Variants in EIF2B4 observed in about 807,000 individuals in gnomAD.
EIF2B4 encodes the protein eukaryotic translation initiation factor 2B subunit delta, also known as translation initiation factor eIF2B subunit delta.
In EIF2B4, 34 loss-of-function variants were observed where a neutral mutation model predicts 66.7. That is an observed-to-expected ratio of 0.51 (90% confidence interval 0.39 to 0.68). The LOEUF (loss-of-function observed/expected upper bound fraction) is 0.68, where lower values mean the gene tolerates loss of function less well. Ranked by LOEUF, EIF2B4 falls within the 30% of genes least tolerant of loss-of-function variation. The pLI, the probability that EIF2B4 is intolerant of heterozygous loss-of-function variation, is 0.00. For synonymous variants in EIF2B4, 278 were observed against 253.6 expected, an observed-to-expected ratio of 1.10 and a Z score of -0.92; for missense variants, 618 against 657.9, an observed-to-expected ratio of 0.94 and a Z score of 0.66.
chr2:27,368,283 G>C, intron 6 of EIF2B4, 89 bp downstream of exon 6: 2 of 1,374,794 alleles, frequency 1.5e-6, no homozygotes, highest in Non-Finnish European at 1.0e-6. Context: ...TTTTCCTACA[G>C]AGTCCATCTC....
rs758877324 is a variant in EIF2B4, at chr2:27,367,166, A to G, written c.921T>C (p.Tyr307=). The change falls in exon 10 of 13, where the codon TAT becomes TAC. Residue 307 remains tyrosine, a synonymous_variant. Transcript: ENST00000347454. ...CTGCTAGCACAATCTTCTCTTGCAC[A>G]TACCGATCAATGGCTGCTCGAAGTT... The part of the protein sequence containing the change: ...KSELRAAIDR[Y]VQEKIVLAAQ... 8 of 1,614,242 alleles carry G rather than the reference A, an allele frequency of 5.0e-6. No homozygotes were observed. The highest frequency in any genetic ancestry group is 3.4e-6 in the Non-Finnish European group (4 of 1,180,044).
chr2:27,370,331 C>T lies in EIF2B4; in HGVS notation c.-17G>A. On this transcript the variant is annotated 5_prime_UTR_variant, in exon 1 of 13. Coordinates refer to ENST00000347454, the MANE Select transcript of EIF2B4 (RefSeq NM_001034116.2). ...AGCAGCCATCGCCCTCAGTCCTAGG[C>T]TCCGCCCGCCGTGGTCACGGAGCCG... 6.5e-7 allele frequency: 1 copy of T among 1,540,708 alleles called. No homozygotes were observed. The highest frequency in any genetic ancestry group is 8.7e-7 in the Non-Finnish European group (1 of 1,146,618).
chr2:27,365,660 G>A (rs977677010), intron 11 of EIF2B4: 2 of 152,350 alleles, frequency 1.3e-5, no homozygotes, highest in Non-Finnish European at 2.9e-5. Context: ...ACAGGCTTGA[G>A]CCACTGTGCC....
chr2:27,368,401 G>T lies in EIF2B4; in HGVS notation c.561C>A (p.Ser187Arg), dbSNP rs1256574955. The T allele has an allele frequency of 3.1e-6, 5 of 1,613,928 alleles. No homozygotes were observed. Among genetic ancestry groups the T allele is most frequent in the Non-Finnish European group, 4.2e-6 (5 of 1,179,922 alleles). The change falls in exon 6 of 13, where the codon AGC (serine) becomes AGA (arginine). Residue 187 changes from serine (S) to arginine (R), a missense_variant. This residue lies in a region of EIF2B4 where 506 missense variants were observed against 511.9 expected (regional missense o/e 0.99). Coordinates refer to ENST00000347454, the MANE Select transcript of EIF2B4 (RefSeq NM_001034116.2). The part of the protein sequence containing the change: ...VSLFSHLPQY[S>R]RQNSLTQFMS... ...TAAACTGGGTCAGAGAGTTTTGTCT[G>T]CTGTACTGGGGTAGGTGAGAGAAGA... is the stretch of plus-strand genomic sequence containing the variant.
intron 3 of EIF2B4, 93 bp downstream of exon 3, chr2:27,369,320 CA>C: frequency 6.2e-7 from 1 of 1,610,350 alleles, no homozygotes; most frequent in Non-Finnish European, 8.5e-7. Flanking sequence ...CACACTTGCT[CA>C]AATCAACTTT....
intron 6 of EIF2B4, 55 bp downstream of exon 6, chr2:27,368,317 T>G (rs756334195): frequency 7.0e-5 from 106 of 1,508,920 alleles, no homozygotes; most frequent in Non-Finnish European, 9.3e-5. Flanking sequence ...CTTTCAATAC[T>G]GACTTACTAA....
chr2:27,369,743 G>T (rs1682217090), intron 2 of EIF2B4, 133 bp downstream of exon 2: 7 of 1,437,438 alleles, frequency 4.9e-6, no homozygotes, highest in Non-Finnish European at 6.6e-6. Context: ...CCCTAGGGTT[G>T]CAAGACCTCT....
chr2:27,368,668 G>A lies in EIF2B4; in HGVS notation c.484C>T (p.Pro162Ser). 6.2e-7 allele frequency: 1 copy of A among 1,614,140 alleles called. No individual in the cohort carries two copies. Among genetic ancestry groups the A allele is most frequent in the Non-Finnish European group, 8.5e-7 (1 of 1,180,036 alleles). The change falls in exon 5 of 13, where the codon CCA becomes TCA. Residue 162 changes from proline (P) to serine (S), a missense_variant. Pro to Ser is a moderately conservative substitution (Grantham distance 74). Around this residue, in one of 4 missense-constraint regions of EIF2B4, gnomAD observed 506 missense variants for 511.9 expected, o/e 0.99. Transcript: ENST00000347454. ...DLLLRRLVKK[P>S]ERQQVPTRKD... ...CCACTTCCTACCTGTTGACGCTCTG[G>A]TTTTTTAACAAGCCTTCTCAGAAGT...
chr2:27,364,451 G>C lies in EIF2B4; in HGVS notation c.1521C>G (p.Ile507Met), dbSNP rs1681687144. The change falls in exon 13 of 13, where the codon ATC (isoleucine) becomes ATG (methionine). Residue 507 changes from isoleucine to methionine, a missense_variant. Ile to Met is a conservative substitution (Grantham distance 10, BLOSUM62 1). Transcript: ENST00000347454. ...GAACAACAGGTACAGAACTGCAAGG[G>C]ATCATCCCCAGCTCCGTGATCACCA... ...VDLVITELGM[I>M]PCSSVPVVLR... The C allele has an allele frequency of 6.2e-7, 1 of 1,613,990 alleles. No homozygotes were observed. Among genetic ancestry groups the C allele is most frequent in the East Asian group, 2.2e-5 (1 of 44,890 alleles).
At chr2:27,368,552 T>G in intron 5 of EIF2B4, 89 bp from the exon 6 acceptor site, 1 of 1,555,054 alleles carries the variant, frequency 6.4e-7, no homozygotes, top group Non-Finnish European at 8.9e-7. Context: ...AAGACTACTC[T>G]GACCCAAGCA....
At chr2:27,370,076 G>A in intron 1 of EIF2B4, 157 bp from the exon 2 acceptor site, 5 of 1,504,124 alleles carry the variant, frequency 3.3e-6, no homozygotes, top group Non-Finnish European at 3.6e-6. Flanking sequence ...GCACTGCGCG[G>A]CGGATCAAAG....
chr2:27,367,225 G>C, intron 9 of EIF2B4, 24 bp from the exon 10 acceptor site: 1 of 1,613,994 alleles, frequency 6.2e-7, no homozygotes, highest in Non-Finnish European at 8.5e-7. Context: ...AATCCTTAGT[G>C]AACAAGAAAT....
rs1250388007 is a variant in EIF2B4 at position 27,364,652 on chromosome 2, A to G, written c.1373-53T>C. 4.3e-6 allele frequency: 7 copies of G among 1,613,990 alleles called. No individual in the cohort carries two copies. The Admixed American group carries it at 8.3e-5, about 19-fold the overall frequency. ...TCTTTCAGAAAAGAAGTTCTAGTTT[A>G]TCCGCCCCTCTCCCTCCCTCTCAAG... On this transcript the variant is annotated intron_variant, in intron 12 of 12. Transcript: ENST00000347454.
chr2:27,369,879 A>T lies in EIF2B4; in HGVS notation c.72T>A (p.Pro24=). Reference sequence around the variant, plus strand: ...TTGGGAGGGAAGCCTCACTTACCCCAGGCCCAGGGGGAAGCTCCGCCTTCA... The same window carrying T: ...TTGGGAGGGAAGCCTCACTTACCCCTGGCCCAGGGGGAAGCTCCGCCTTCA... ...SGMKAELPPG[P]GAVGREMTKE... is the part of the protein sequence containing the mutation. The change falls in exon 2 of 13, where the codon CCT becomes CCA. Residue 24 remains proline, a synonymous_variant. Transcript: ENST00000347454. The T allele has an allele frequency of 6.3e-7, 1 of 1,581,532 alleles. No homozygotes were observed. The highest frequency in any genetic ancestry group is 8.6e-7 in the Non-Finnish European group (1 of 1,164,144).
Position 27,369,472 on chromosome 2 carries a change from C to T in EIF2B4, c.153G>A (p.Lys51=). ...TCTCTGGTTCTGCCCCCTTTTCTTCCTTCCGTTTCTTCTTCTGCTGTTTCT... is the reference window on the plus strand; with the variant it reads ...TCTCTGGTTCTGCCCCCTTTTCTTCTTTCCGTTTCTTCTTCTGCTGTTTCT... The part of the protein sequence containing the change: ...KEKKQQKKKR[K]EEKGAEPETG... The change falls in exon 3 of 13, where the codon AAG becomes AAA. Residue 51 remains lysine, a synonymous_variant. Coordinates refer to ENST00000347454, the MANE Select transcript of EIF2B4 (RefSeq NM_001034116.2). 1 of 1,614,090 alleles carries T rather than the reference C, an allele frequency of 6.2e-7. No homozygotes were observed.
In EIF2B4 at chr2:27,367,559, G is replaced by A. The variant is rs1489196473; in HGVS notation, c.783C>T (p.Ser261=). The A allele has an allele frequency of 1.2e-6, 2 of 1,613,854 alleles. No individual in the cohort carries two copies. Among genetic ancestry groups the A allele is most frequent in the African/African-American group, 2.7e-5 (2 of 74,806 alleles). Residue 261 remains serine (S), a splice_region_variant and synonymous_variant, in exon 9 of 13, where the codon AGC becomes AGT. Coordinates refer to ENST00000347454, the MANE Select transcript of EIF2B4 (RefSeq NM_001034116.2). ...ACAGGGGACGGCACTGAGTCAGGAA[G>A]CTATAATACAACAGCAATACCTTAT... ...DLVNKLKPYM[S]FLTQCRPLSA... is the part of the protein sequence containing the mutation.
At chr2:27,366,469 A>G in intron 11 of EIF2B4, 1 of 437,704 alleles carries the variant, frequency 2.3e-6, no homozygotes, top group Non-Finnish European at 4.2e-6. Flanking sequence ...GAACTGCTTG[A>G]GCCCAGGAGT....
intron 6 of EIF2B4, 40 bp downstream of exon 6, chr2:27,368,332 C>T (rs535744717): frequency 2.6e-6 from 4 of 1,563,664 alleles, no homozygotes; most frequent in Non-Finnish European, 2.6e-6. Context: ...TACTAAAACT[C>T]CTCAGACTCA....
intron 2 of EIF2B4, 30 bp downstream of exon 2, chr2:27,369,846 C>A (rs373433547): frequency 6.4e-7 from 1 of 1,560,060 alleles, no homozygotes; most frequent in Non-Finnish European, 8.7e-7. Context: ...TAGCGCTTGG[C>A]AGGCGGCTTG....
Sources: allele counts gnomAD v4.1 joint callset, GRCh38; gene constraint gnomAD v4.1.1; regional missense constraint gnomAD v4.1.1; transcripts MANE v1.5; gene names NCBI Gene and HGNC (gene_info 2026-07-23, HGNC 2026-07-21).